MACROD2: variants seen among roughly 807,000 people sequenced by gnomAD.
MACROD2 encodes the protein ADP-ribose glycohydrolase MACROD2.
Under a neutral mutation model 70.4 loss-of-function variants are expected in MACROD2, and 36 were observed. That is an observed-to-expected ratio of 0.51 (90% CI 0.39 to 0.68). The LOEUF is 0.68. Ranked by LOEUF, MACROD2 falls within the 30% of genes least tolerant of loss-of-function variation. MACROD2 has a pLI of 0.00. For missense variants in MACROD2, 496 were observed against 538.4 expected (o/e 0.92, Z 0.78); for synonymous variants, 172 against 178.8 (o/e 0.96, Z 0.30).
intron 15 of MACROD2, among the ~76,000 whole-genome samples, chr20:16,031,349 A>AATCATTATCGTT (rs1215154217): frequency 2.0e-5 from 3 of 152,184 alleles, no homozygotes; most frequent in Non-Finnish European, 2.9e-5. Context: ...ATTGCGGAGA[A>AATCATTATCGTT]ATCATTATCG....
intron 5 of MACROD2, among the ~76,000 whole-genome samples, chr20:14,967,560 T>C (rs1188004559): frequency 1.3e-5 from 2 of 152,206 alleles, no homozygotes; most frequent in African/African-American, 4.8e-5. Context: ...TCTCAGTCTG[T>C]GTCTTGCCAC....
chr20:15,429,492 G>T (rs1223205415), intron 6 of MACROD2, among the ~76,000 whole-genome samples: 1 of 152,032 alleles, frequency 6.6e-6, no homozygotes, highest in Non-Finnish European at 1.5e-5. Context: ...AAGTCAATTT[G>T]TACTCTCTCT....
At chr20:15,506,748 T>C (rs2047430686) in intron 8 of MACROD2, among the ~76,000 whole-genome samples, 1 of 152,232 alleles carries the variant, frequency 6.6e-6, no homozygotes, top group Non-Finnish European at 1.5e-5. Flanking sequence ...CTGTGGACTA[T>C]TATTTACACT....
chr20:15,220,969 G>A (rs563901415), intron 5 of MACROD2, among the ~76,000 whole-genome samples: 3 of 152,248 alleles, frequency 2.0e-5, no homozygotes, highest in South Asian at 2.1e-4. Flanking sequence ...GTGGTGGCAC[G>A]GGAGTGGTAA....
At chr20:14,625,339 G>GA (rs566736720) in intron 4 of MACROD2, among the ~76,000 whole-genome samples, 1 of 151,278 alleles carries the variant, frequency 6.6e-6, no homozygotes, top group Non-Finnish European at 1.5e-5. Flanking sequence ...AAAAAAAGAA[G>GA]AAAAAAAAGA....
intron 6 of MACROD2, among the ~76,000 whole-genome samples, chr20:15,371,549 C>T (rs1213148582): frequency 1.3e-5 from 2 of 152,092 alleles, no homozygotes; most frequent in Non-Finnish European, 2.9e-5. Context: ...AGATGACCCT[C>T]GGGGGTGAGG....
At chr20:15,601,999 G>T (rs1027297732) in intron 8 of MACROD2, among the ~76,000 whole-genome samples, 7 of 151,358 alleles carry the variant, frequency 4.6e-5, no homozygotes, top group Admixed American at 2.6e-4. Flanking sequence ...CTGCACTCCA[G>T]CCTGGACAAC....
intron 3 of MACROD2, among the ~76,000 whole-genome samples, chr20:14,280,753 A>G (rs1021028276): frequency 1.3e-5 from 2 of 152,206 alleles, no homozygotes; most frequent in Admixed American, 6.5e-5. Context: ...TCCATATACT[A>G]TCATGACACC....
intron 7 of MACROD2, among the ~76,000 whole-genome samples, chr20:15,460,878 A>G (rs1045254375): frequency 3.3e-5 from 5 of 150,664 alleles, no homozygotes; most frequent in African/African-American, 9.7e-5. Context: ...CCTAGAGAAA[A>G]CCTAAGTGTG....
At chr20:14,011,465 C>G (rs2263682) in intron 2 of MACROD2, among the ~76,000 whole-genome samples, 54,974 of 151,914 alleles carry the variant, frequency 0.36, 10,673 homozygotes, top group African/African-American at 0.5. Context: ...CATTTCCCCC[C>G]CTTCAGAATA....
At chr20:15,046,957 CTGCTG>C (rs2075399398) in intron 5 of MACROD2, among the ~76,000 whole-genome samples, 1 of 152,204 alleles carries the variant, frequency 6.6e-6, no homozygotes, top group African/African-American at 2.4e-5. Flanking sequence ...TGATTAACAG[CTGCTG>C]TGACTTTCCC....
At chr20:16,009,149 AAATGAACCTGCTAACTT>A (rs575445866) in intron 15 of MACROD2, among the ~76,000 whole-genome samples, 112 of 152,300 alleles carry the variant, frequency 7.4e-4, no homozygotes, top group Non-Finnish European at 1.2e-3. Flanking sequence ...AATCTGGCAA[AAATGAACCTGCTAACTT>A]AGGGAAGAAA....
chr20:15,499,282 A>G (rs1269552123), intron 7 of MACROD2, among the ~76,000 whole-genome samples: 1 of 152,084 alleles, frequency 6.6e-6, no homozygotes, highest in East Asian at 1.9e-4. Context: ...AACAGGAAAT[A>G]CCCTCTTTGA....
intron 3 of MACROD2, among the ~76,000 whole-genome samples, chr20:14,136,740 C>T (rs920388729): frequency 3.9e-5 from 6 of 152,116 alleles, no homozygotes; most frequent in African/African-American, 1.4e-4. Flanking sequence ...TTGCTATGTA[C>T]TAGGCACATA....
rs531533445 is a variant in MACROD2, at chr20:14,483,436, C to T, written c.272-10043C>T. Among the ~76,000 whole-genome samples, 309 of 151,384 alleles carry T rather than the reference C, an allele frequency of 2.0e-3. 2 individuals carry two copies. The Middle Eastern group carries it at 0.041, about 20-fold the overall frequency. ...TTTATTTTTTTTTGAGACGGAGTTTCGCTCCTGTTGCCCAGGCTGGAGTGC... is the reference window on the plus strand; with the variant it reads ...TTTATTTTTTTTTGAGACGGAGTTTTGCTCCTGTTGCCCAGGCTGGAGTGC... On this transcript the variant is annotated intron_variant, in intron 3 of 17. Transcript: ENST00000684519.
chr20:15,210,331 A>G (rs1014780168), intron 5 of MACROD2, among the ~76,000 whole-genome samples: 4 of 152,204 alleles, frequency 2.6e-5, no homozygotes, highest in Non-Finnish European at 5.9e-5. Flanking sequence ...TCTTTCCAGT[A>G]GCACTAAAAA....
At chr20:14,515,503 GAAT>G (rs1398510466) in intron 4 of MACROD2, among the ~76,000 whole-genome samples, 1 of 109,408 alleles carries the variant, frequency 9.1e-6, no homozygotes, top group Non-Finnish European at 2.1e-5. Flanking sequence ...ACACACGATG[GAAT>G]ATTATACACC....
At chr20:15,259,196 AC>A (rs1375925351) in intron 6 of MACROD2, among the ~76,000 whole-genome samples, 2 of 151,932 alleles carry the variant, frequency 1.3e-5, no homozygotes, top group Non-Finnish European at 2.9e-5. Context: ...AACAACAACA[AC>A]AACAAAATTT....
At chr20:14,621,594 G>C (rs757577005) in intron 4 of MACROD2, among the ~76,000 whole-genome samples, 1 of 152,098 alleles carries the variant, frequency 6.6e-6, no homozygotes, top group Non-Finnish European at 1.5e-5. Flanking sequence ...TTGTTGCTAA[G>C]ATAACTTTAA....
Sources: allele counts gnomAD v4.1 joint callset (sites outside exome capture counted in the v4.1 genomes callset), GRCh38; gene constraint gnomAD v4.1.1; transcripts MANE v1.5; gene names NCBI Gene and HGNC (gene_info 2026-07-23, HGNC 2026-07-21).